DNAH3: variants seen among roughly 807,000 people sequenced by gnomAD.
The protein encoded by DNAH3 is axonemal beta dynein heavy chain 3.
Under a neutral mutation model 432.5 loss-of-function variants are expected in DNAH3, and 332 were observed. That is an observed-to-expected ratio of 0.77 (90% confidence interval 0.70 to 0.84). The LOEUF is 0.84. Ranked by LOEUF, DNAH3 falls within the 40% of genes least tolerant of loss-of-function variation. The pLI is 0.00. For missense variants in DNAH3, 4,861 were observed against 5,114.0 expected, an observed-to-expected ratio of 0.95 and a Z score of 1.51; for synonymous variants, 1,956 against 1,900.2, an observed-to-expected ratio of 1.03 and a Z score of -0.76.
chr16:20,939,967 G>A (rs1384752940), intron 59 of DNAH3, among the ~76,000 whole-genome samples: 16 of 152,218 alleles, frequency 1.1e-4, no homozygotes, highest in African/African-American at 3.9e-4. Context: ...GCTCCATGCT[G>A]TAGTAACTGG....
intron 27 of DNAH3, among the ~76,000 whole-genome samples, chr16:21,057,515 C>T (rs1231223355): frequency 6.6e-6 from 1 of 152,156 alleles, no homozygotes; most frequent in Non-Finnish European, 1.5e-5. Flanking sequence ...TTAAGTTGCT[C>T]ATGGTCACGC....
At chr16:20,999,049 G>A (rs1303703377) in intron 43 of DNAH3, among the ~76,000 whole-genome samples, 1 of 152,100 alleles carries the variant, frequency 6.6e-6, no homozygotes, top group Non-Finnish European at 1.5e-5. Flanking sequence ...TTGAGGCCAG[G>A]AGTTCGACCA....
exon 49 of DNAH3, chr16:20,982,863 A>G: frequency 6.2e-7 from 1 of 1,614,150 alleles, no homozygotes; most frequent in Non-Finnish European, 8.5e-7. Context: ...CGGTTCCTGA[A>G]GGCATCCCCT....
intron 17 of DNAH3, 75 bp from the exon 18 acceptor site, chr16:21,097,574 C>T (rs1030297312): frequency 6.4e-6 from 10 of 1,573,958 alleles, no homozygotes; most frequent in Non-Finnish European, 8.7e-6. Context: ...GGGCAAATTC[C>T]TCAGTGCCTT....
chr16:21,139,466 T>C (rs1400073330), intron 5 of DNAH3, among the ~76,000 whole-genome samples: 5 of 150,386 alleles, frequency 3.3e-5, no homozygotes, highest in African/African-American at 1.2e-4. Context: ...CTAGAAAGGG[T>C]TGTGAATCCC....
chr16:20,953,048 T>C (rs1430791202), intron 55 of DNAH3, among the ~76,000 whole-genome samples: 1 of 152,164 alleles, frequency 6.6e-6, no homozygotes, highest in Non-Finnish European at 1.5e-5. Context: ...ACAAGTGACA[T>C]ACATGTGTAA....
At chr16:20,952,856 C>T (rs1163726035) in intron 55 of DNAH3, among the ~76,000 whole-genome samples, 2 of 152,076 alleles carry the variant, frequency 1.3e-5, no homozygotes, top group Middle Eastern at 3.2e-3. Flanking sequence ...CGGTAATGCA[C>T]GGAGCTCCAA....
chr16:21,098,897 A>G, intron 16 of DNAH3, 128 bp from the exon 17 acceptor site: 4 of 889,748 alleles, frequency 4.5e-6, no homozygotes, highest in Non-Finnish European at 6.8e-6. Context: ...TCCTCCCCCA[A>G]TACTCCCAAC....
chr16:21,067,916 T>C (rs1001766510), intron 23 of DNAH3, among the ~76,000 whole-genome samples: 4 of 152,024 alleles, frequency 2.6e-5, no homozygotes, highest in South Asian at 2.1e-4. Context: ...GGCTGTGCTA[T>C]TTGGCCTTGG....
chr16:21,128,961 G>A (rs1487473814), intron 7 of DNAH3, among the ~76,000 whole-genome samples: 2 of 151,814 alleles, frequency 1.3e-5, no homozygotes, highest in African/African-American at 4.8e-5. Context: ...CAACCAGTGA[G>A]AAGAAATGAG....
chr16:21,053,076 A>G (rs1383440782), intron 28 of DNAH3, among the ~76,000 whole-genome samples: 1 of 152,184 alleles, frequency 6.6e-6, no homozygotes, highest in Non-Finnish European at 1.5e-5. Flanking sequence ...ACTCAGGTGG[A>G]GAGCTATGGA....
At chr16:21,010,573 CAGTGT>C (rs1414179567) in intron 41 of DNAH3, among the ~76,000 whole-genome samples, 16 of 152,168 alleles carry the variant, frequency 1.1e-4, no homozygotes, top group African/African-American at 3.4e-4. Flanking sequence ...GTATGCTTCC[CAGTGT>C]AGTTCCTCCA....
intron 9 of DNAH3, among the ~76,000 whole-genome samples, chr16:21,122,856 T>C (rs2092373739): frequency 1.3e-5 from 2 of 152,230 alleles, no homozygotes; most frequent in East Asian, 3.9e-4. Context: ...CTCACTATGT[T>C]GCCCAGGCTG....
chr16:21,031,334 G>C (rs2088861995), intron 36 of DNAH3, 48 bp from the exon 37 acceptor site: 2 of 1,602,566 alleles, frequency 1.2e-6, no homozygotes, highest in African/African-American at 1.3e-5. Context: ...GGTGAGACCA[G>C]AAGGTTAAAC....
intron 56 of DNAH3, among the ~76,000 whole-genome samples, chr16:20,952,142 T>G (rs550447076): frequency 6.6e-6 from 1 of 152,282 alleles, no homozygotes; most frequent in African/African-American, 2.4e-5. Flanking sequence ...CCTTCCAAAG[T>G]GCTGAGATTA....
intron 44 of DNAH3, among the ~76,000 whole-genome samples, chr16:20,989,091 C>G (rs937424932): frequency 7.9e-5 from 12 of 152,172 alleles, no homozygotes; most frequent in African/African-American, 2.9e-4. Flanking sequence ...TTCCACAGTG[C>G]GGAAAGAGAC....
intron 21 of DNAH3, among the ~76,000 whole-genome samples, chr16:21,072,451 T>C (rs2639784): frequency 0.34 from 50,843 of 151,710 alleles, 8,785 homozygotes; most frequent in East Asian, 0.55. Flanking sequence ...CTCAGCCTCC[T>C]GCGTAGCTGG....
intron 18 of DNAH3, among the ~76,000 whole-genome samples, chr16:21,091,702 A>G: frequency 6.6e-6 from 1 of 151,996 alleles, no homozygotes; most frequent in East Asian, 1.9e-4. Context: ...TATAATCCCA[A>G]CTACTCAGGA....
At chr16:21,018,866 G>A (rs2152708739) in intron 41 of DNAH3, among the ~76,000 whole-genome samples, 1 of 151,766 alleles carries the variant, frequency 6.6e-6, no homozygotes, top group African/African-American at 2.4e-5. Context: ...CTATACTCCA[G>A]CAGGAGCAAG....
Sources: gnomAD v4.1 joint callset for allele counts (sites outside exome capture counted in the v4.1 genomes callset) on GRCh38, gnomAD v4.1.1 for gene constraint, MANE v1.5 for transcripts, NCBI Gene and HGNC (gene_info 2026-07-23, HGNC 2026-07-21) for gene names.